The following WNK1 variants were observed in gnomAD, a reference collection of about 807,000 sequenced individuals.
The protein encoded by WNK1 is serine/threonine-protein kinase WNK1.
Under a neutral mutation model 222.8 loss-of-function variants are expected in WNK1, and 38 were observed. That is an observed-to-expected ratio of 0.17 (90% CI 0.13 to 0.22). The LOEUF is 0.22. WNK1 is among the 10% of genes least tolerant of loss of function. The pLI is 1.00. For missense variants in WNK1, 2,348 were observed against 2,918.4 expected (o/e 0.80, Z 4.50); for synonymous variants, 1,090 against 1,092.9 (o/e 1.00, Z 0.05).
At position 885,441 on chromosome 12, in the gene WNK1, C is replaced by T. The variant is rs56351358; in HGVS notation, c.4637C>T (p.Ala1546Val). The T allele has an allele frequency of 7.4e-6, 12 of 1,613,868 alleles. No individual in the cohort carries two copies. In the East Asian group the frequency reaches 1.6e-4, roughly 21 times the overall value. ...ACTGGATTGGCTTTCTCCCTCTCTG[C>T]ACCATCTTCCTCTTCCTCTCCTGGA... ...STTGLAFSLS[A>V]PSSSSSPGAG... Residue 1546 changes from alanine to valine, a missense_variant, in exon 19 of 28, where the codon GCA becomes GTA. By Grantham distance (64) the Ala-to-Val change is moderately conservative. Transcript: ENST00000315939.
chr12:865,479 GCTT>G, intron 8 of WNK1: 1 of 1,339,010 alleles, frequency 7.5e-7, no homozygotes, highest in Non-Finnish European at 9.9e-7. Flanking sequence ...GTTATATTAT[GCTT>G]CTAGGATACC....
intron 1 of WNK1, chr12:781,221 C>A: frequency 6.4e-6 from 1 of 155,440 alleles, no homozygotes; most frequent in South Asian, 1.8e-4. Flanking sequence ...CCTGCATCAT[C>A]TAGAGCTTTG....
chr12:788,654 C>T (rs1374941321), intron 1 of WNK1, among the ~76,000 whole-genome samples: 4 of 152,068 alleles, frequency 2.6e-5, no homozygotes, highest in East Asian at 3.8e-4. Flanking sequence ...TTTGGGAGGC[C>T]GAGGCAAGTG....
chr12:821,042 G>GTT (rs60880879), intron 2 of WNK1, among the ~76,000 whole-genome samples: 4,391 of 78,222 alleles, frequency 0.056, 183 homozygotes, highest in Non-Finnish European at 0.065. Context: ...AGTTTCTTGA[G>GTT]TTTTTTTTTT....
At chr12:860,946 G>A (rs1316117504) in intron 6 of WNK1, 67 bp from the exon 7 acceptor site, 1 of 1,431,004 alleles carries the variant, frequency 7.0e-7, no homozygotes, top group Non-Finnish European at 9.7e-7. Flanking sequence ...TTTTGGCGGG[G>A]GGTGGTGGTG....
chr12:797,270 C>T (rs190732088), intron 1 of WNK1, among the ~76,000 whole-genome samples: 2 of 152,172 alleles, frequency 1.3e-5, no homozygotes, highest in East Asian at 3.9e-4. Flanking sequence ...AAGGCTGTAG[C>T]TATAATTGTT....
At chr12:860,949 TGGTGGTGGGGGGTG>T in intron 6 of WNK1, 50 bp from the exon 7 acceptor site, 1 of 1,170,926 alleles carries the variant, frequency 8.5e-7, no homozygotes, top group Non-Finnish European at 1.2e-6. Context: ...TGGCGGGGGG[TGGTGGTGGGGGGTG>T]TTGTTTTCTT....
intron 5 of WNK1, among the ~76,000 whole-genome samples, chr12:858,927 A>G (rs1007051582): frequency 6.6e-6 from 1 of 152,208 alleles, no homozygotes; most frequent in African/African-American, 2.4e-5. Context: ...TAATAAGATC[A>G]TTGGATTTAA....
rs184934979 is a variant in WNK1 at position 818,090 on chromosome 12, A to G, written c.932+4276A>G. ...TTCAGTGGCACTTAGTACATTCACAATGTTTTGTAAGTACCACATCTATCA... is the reference window on the plus strand; with the variant it reads ...TTCAGTGGCACTTAGTACATTCACAGTGTTTTGTAAGTACCACATCTATCA... On this transcript the variant is annotated intron_variant, in intron 2 of 27. Coordinates refer to ENST00000315939, the MANE Select transcript of WNK1 (RefSeq NM_018979.4). 1.6e-4 allele frequency among the ~76,000 whole-genome samples: 24 copies of G among 152,352 alleles called. No individual in the cohort carries two copies. In the East Asian group the frequency reaches 3.7e-3, roughly 23 times the overall value.
intron 2 of WNK1, among the ~76,000 whole-genome samples, chr12:822,966 C>G (rs1365635344): frequency 6.6e-6 from 1 of 152,108 alleles, no homozygotes; most frequent in African/African-American, 2.4e-5. Context: ...ACTCTTCCAG[C>G]TTTTATTTAC....
chr12:795,564 C>T (rs1449556607), intron 1 of WNK1, among the ~76,000 whole-genome samples: 1 of 152,124 alleles, frequency 6.6e-6, no homozygotes, highest in African/African-American at 2.4e-5. Context: ...TGACTTGCTC[C>T]TCCTTGCCTT....
chr12:832,378 A>G (rs1948869381), intron 4 of WNK1, among the ~76,000 whole-genome samples: 1 of 152,170 alleles, frequency 6.6e-6, no homozygotes, highest in Non-Finnish European at 1.5e-5. Context: ...GTTTATTATT[A>G]AAAACTGATA....
intron 5 of WNK1, among the ~76,000 whole-genome samples, chr12:857,560 AAC>A (rs1261488446): frequency 2.4e-4 from 37 of 152,236 alleles, no homozygotes; most frequent in African/African-American, 8.7e-4. Flanking sequence ...TTTAATATCT[AAC>A]ACAGGAAATC....
At chr12:857,497 A>G (rs772955603) in intron 5 of WNK1, among the ~76,000 whole-genome samples, 9 of 152,236 alleles carry the variant, frequency 5.9e-5, no homozygotes, top group Non-Finnish European at 8.8e-5. Flanking sequence ...GCTACATTCC[A>G]TGAGAACTGC....
At chr12:760,109 G>A (rs1940809353) in intron 1 of WNK1, among the ~76,000 whole-genome samples, 1 of 147,864 alleles carries the variant, frequency 6.8e-6, no homozygotes, top group Non-Finnish European at 1.5e-5. Context: ...CCTGGCCTTT[G>A]CCTAACATTT....
chr12:798,293 G>A (rs1479461644), intron 1 of WNK1, among the ~76,000 whole-genome samples: 2 of 151,636 alleles, frequency 1.3e-5, no homozygotes, highest in Non-Finnish European at 2.9e-5. Context: ...CCGGGTTCAC[G>A]CCATTCTCCC....
chr12:868,292 C>T (rs766885646), intron 8 of WNK1: 1 of 1,607,146 alleles, frequency 6.2e-7, no homozygotes, highest in Non-Finnish European at 8.5e-7. Flanking sequence ...AGCTGGGGTA[C>T]ATTACCAGGC....
chr12:887,345 T>G (rs566478813), intron 20 of WNK1, 41 bp downstream of exon 20: 1 of 1,603,712 alleles, frequency 6.2e-7, no homozygotes, highest in South Asian at 1.1e-5. Context: ...TGCCCTACTT[T>G]CTTTGACAAA....
intron 24 of WNK1, among the ~76,000 whole-genome samples, 194 bp downstream of exon 24, chr12:896,926 ACACACACACACACG>A (rs971026584): frequency 1.2e-4 from 10 of 85,150 alleles, no homozygotes; most frequent in African/African-American, 2.2e-4. Flanking sequence ...ACACACACAC[ACACACACACACACG>A]ATTCCCAACC....
Sources: gnomAD v4.1 joint callset for allele counts (sites outside exome capture counted in the v4.1 genomes callset) on GRCh38, gnomAD v4.1.1 for gene constraint, MANE v1.5 for transcripts, NCBI Gene and HGNC (gene_info 2026-07-23, HGNC 2026-07-21) for gene names.